The following SCFD2 variants were observed in gnomAD, a reference collection of about 807,000 sequenced individuals.
SCFD2 encodes the protein sec1 family domain containing 2.
Under a neutral mutation model 58.9 loss-of-function variants are expected in SCFD2, and 54 were observed. That is an observed-to-expected ratio of 0.92 (90% CI 0.74 to 1.15). The LOEUF (loss-of-function observed/expected upper bound fraction) is 1.15, where lower values mean the gene tolerates loss of function less well. Among genes scored for constraint, SCFD2 ranks in the 50% most tolerant of loss-of-function variants. SCFD2 has a pLI of 0.00. For synonymous variants in SCFD2, 321 were observed against 335.9 expected (o/e 0.96, Z 0.49); for missense variants, 805 against 836.6 (o/e 0.96, Z 0.47).
At chr4:53,256,781 G>A (rs1429941017) in intron 4 of SCFD2, among the ~76,000 whole-genome samples, 1 of 151,582 alleles carries the variant, frequency 6.6e-6, no homozygotes, top group Non-Finnish European at 1.5e-5. Context: ...AGGAGAATCA[G>A]GCAGGGGGGT....
At chr4:53,210,099 T>C (rs1226051110) in intron 4 of SCFD2, among the ~76,000 whole-genome samples, 1 of 152,108 alleles carries the variant, frequency 6.6e-6, no homozygotes, top group Non-Finnish European at 1.5e-5. Flanking sequence ...TGAATCCTTT[T>C]GATATTTTCA....
chr4:53,326,654 TTC>T (rs1733207643), intron 2 of SCFD2, among the ~76,000 whole-genome samples: 1 of 152,136 alleles, frequency 6.6e-6, no homozygotes, highest in African/African-American at 2.4e-5. Context: ...AAAAAATATC[TTC>T]TCATTCCTAG....
chr4:53,180,473 AC>A (rs1250635640), intron 4 of SCFD2, among the ~76,000 whole-genome samples: 1 of 152,176 alleles, frequency 6.6e-6, no homozygotes, highest in African/African-American at 2.4e-5. Context: ...GACACAACAT[AC>A]CAGAATCTCT....
intron 5 of SCFD2, among the ~76,000 whole-genome samples, chr4:53,067,273 C>T (rs1290224129): frequency 6.6e-6 from 1 of 151,946 alleles, no homozygotes; most frequent in Non-Finnish European, 1.5e-5. Flanking sequence ...AGTGCCTGTA[C>T]TCATTTCAAA....
rs974044930 is a variant in SCFD2, at chr4:53,072,383, G to C, written c.1561+72950C>G. Among the ~76,000 whole-genome samples the C allele has an allele frequency of 3.3e-5, 5 of 152,206 alleles. 1 individual carries two copies. Among genetic ancestry groups the C allele is most frequent in the East Asian group, 3.9e-4 (2 of 5,174 alleles). On this transcript the variant is annotated intron_variant, in intron 5 of 8. Coordinates refer to ENST00000401642, the MANE Select transcript of SCFD2 (RefSeq NM_152540.4). ...GAACAGCCTGAAATATCGAGCTGCA[G>C]ACATAGATAAGCAACCTGGAAGCTT...
At chr4:52,947,903 G>A (rs183421067) in intron 5 of SCFD2, among the ~76,000 whole-genome samples, 2 of 101,206 alleles carry the variant, frequency 2.0e-5, no homozygotes, top group East Asian at 6.3e-4. Flanking sequence ...GATTACATAA[G>A]TAAACAAAGA....
At chr4:53,032,634 CAAACAAA>C (rs772374858) in intron 5 of SCFD2, among the ~76,000 whole-genome samples, 19 of 151,840 alleles carry the variant, frequency 1.3e-4, no homozygotes, top group Non-Finnish European at 1.8e-4. Context: ...AAAACAAAAA[CAAACAAA>C]AAACAAAAAA....
chr4:53,361,711 C>T (rs999557861), intron 1 of SCFD2, among the ~76,000 whole-genome samples: 4 of 152,174 alleles, frequency 2.6e-5, no homozygotes, highest in Non-Finnish European at 5.9e-5. Context: ...CTATAAAATA[C>T]TCATATAAAT....
At chr4:53,182,526 G>T (rs1211949213) in intron 4 of SCFD2, among the ~76,000 whole-genome samples, 1 of 152,166 alleles carries the variant, frequency 6.6e-6, no homozygotes, top group Non-Finnish European at 1.5e-5. Flanking sequence ...AGACTTAAAT[G>T]TTAGACCTAA....
chr4:53,165,299 T>C (rs1726973725), intron 4 of SCFD2, among the ~76,000 whole-genome samples: 1 of 152,204 alleles, frequency 6.6e-6, no homozygotes, highest in Non-Finnish European at 1.5e-5. Flanking sequence ...AACTGTATAC[T>C]TGCATAAATT....
At chr4:53,262,040 G>C (rs1200747356) in intron 4 of SCFD2, among the ~76,000 whole-genome samples, 1 of 151,268 alleles carries the variant, frequency 6.6e-6, no homozygotes, top group African/African-American at 2.4e-5. Context: ...GTTGCTTTAA[G>C]GTTTGTTTTG....
chr4:53,331,177 G>C (rs1266772544), intron 2 of SCFD2, among the ~76,000 whole-genome samples: 1 of 151,506 alleles, frequency 6.6e-6, no homozygotes, highest in African/African-American at 2.4e-5. Flanking sequence ...GTCAACATTA[G>C]ACAGATCAAC....
chr4:53,081,789 C>T (rs1724155773), intron 5 of SCFD2, among the ~76,000 whole-genome samples: 1 of 152,002 alleles, frequency 6.6e-6, no homozygotes, highest in Non-Finnish European at 1.5e-5. Flanking sequence ...CTGAAATCAC[C>T]CCTTAAAGAA....
chr4:52,931,010 C>A (rs1331021142), intron 5 of SCFD2, among the ~76,000 whole-genome samples: 1 of 152,122 alleles, frequency 6.6e-6, no homozygotes, highest in South Asian at 2.1e-4. Context: ...GGGGGAAATG[C>A]CTGTATACAG....
At chr4:52,890,490 T>C (rs1276992827) in intron 7 of SCFD2, among the ~76,000 whole-genome samples, 1 of 152,204 alleles carries the variant, frequency 6.6e-6, no homozygotes, top group Admixed American at 6.5e-5. Flanking sequence ...AGTGGAGTCT[T>C]TTCAGCCTTT....
At chr4:53,256,337 C>G (rs1265948681) in intron 4 of SCFD2, among the ~76,000 whole-genome samples, 2 of 150,828 alleles carry the variant, frequency 1.3e-5, no homozygotes, top group African/African-American at 4.9e-5. Flanking sequence ...GGCAGCCGGG[C>G]AGAGACGCTC....
chr4:52,886,616 C>T lies in SCFD2; in HGVS notation c.1843-750G>A, dbSNP rs151056237. Among the ~76,000 whole-genome samples the T allele has an allele frequency of 4.0e-4, 61 of 152,306 alleles. No individual in the cohort carries two copies. In the East Asian group the frequency reaches 8.9e-3, roughly 22 times the overall value. On this transcript the variant is annotated intron_variant, in intron 7 of 8. Coordinates refer to ENST00000401642, the MANE Select transcript of SCFD2 (RefSeq NM_152540.4). Reference sequence around the variant, plus strand: ...GGCCTAGCAAGGCCTGGGAGTGGGGCATTGCTGGCTGTGGAGGACCCTGGT... The same window carrying T: ...GGCCTAGCAAGGCCTGGGAGTGGGGTATTGCTGGCTGTGGAGGACCCTGGT...
chr4:53,078,298 T>C (rs1056716703), intron 5 of SCFD2, among the ~76,000 whole-genome samples: 9 of 152,212 alleles, frequency 5.9e-5, no homozygotes, highest in Non-Finnish European at 1.3e-4. Context: ...CTCTACCAAA[T>C]TGATTTTAAT....
chr4:53,250,227 G>A (rs1277407276), intron 4 of SCFD2, among the ~76,000 whole-genome samples: 12 of 152,136 alleles, frequency 7.9e-5, no homozygotes, highest in African/African-American at 2.9e-4. Flanking sequence ...ATGCTAAAGG[G>A]ATCAATGCAA....
Sources: gnomAD v4.1 joint callset for allele counts (sites outside exome capture counted in the v4.1 genomes callset) on GRCh38, gnomAD v4.1.1 for gene constraint, MANE v1.5 for transcripts, NCBI Gene and HGNC (gene_info 2026-07-23, HGNC 2026-07-21) for gene names.